The following SHISA9 variants were observed in gnomAD, a reference collection of about 807,000 sequenced individuals.
SHISA9 encodes the protein shisa family member 9, also known as protein shisa-9.
A neutral mutation model predicts 38.0 loss-of-function variants in SHISA9; 13 were observed. That is an observed-to-expected ratio of 0.34 (90% confidence interval 0.22 to 0.54). SHISA9 has a LOEUF of 0.54. Among genes scored for constraint, SHISA9 ranks in the 20% least tolerant of loss-of-function variants. The pLI is 0.91. For missense variants in SHISA9, 538 were observed against 575.8 expected (o/e 0.93, Z 0.67); for synonymous variants, 275 against 242.0 (o/e 1.14, Z -1.27).
chr16:13,428,576 T>C, the SHISA9 span, among the ~76,000 whole-genome samples: 2 of 152,162 alleles, frequency 1.3e-5, no homozygotes, highest in African/African-American at 2.4e-5. Flanking sequence ...TCTTTTCATT[T>C]CATGCCCAGA....
At chr16:13,541,654 A>C in the SHISA9 span, among the ~76,000 whole-genome samples, 1 of 152,216 alleles carries the variant, frequency 6.6e-6, no homozygotes, top group African/African-American at 2.4e-5. Context: ...TGTTTCTATG[A>C]ACACACTCAG....
intron 4 of SHISA9, among the ~76,000 whole-genome samples, chr16:13,231,962 G>A (rs1431601503): frequency 6.6e-6 from 1 of 152,210 alleles, no homozygotes; most frequent in Non-Finnish European, 1.5e-5. Context: ...TGTCAAGCGG[G>A]AGAAATAGTC....
chr16:12,911,196 C>A, intron 1 of SHISA9: 3 of 956,974 alleles, frequency 3.1e-6, no homozygotes, highest in Non-Finnish European at 3.7e-6. Context: ...CAGGCCCCAC[C>A]TCCTGCTTAT....
At chr16:13,177,222 C>T (rs2050738996) in intron 2 of SHISA9, among the ~76,000 whole-genome samples, 1 of 152,192 alleles carries the variant, frequency 6.6e-6, no homozygotes, top group Non-Finnish European at 1.5e-5. Context: ...CTTAATTGCT[C>T]TCTGATCTTT....
chr16:13,037,248 G>A (rs1470419663), intron 2 of SHISA9, among the ~76,000 whole-genome samples: 2 of 152,034 alleles, frequency 1.3e-5, no homozygotes, highest in South Asian at 2.1e-4. Context: ...GGCAGAATTG[G>A]TCGGCAGGCA....
intron 2 of SHISA9, among the ~76,000 whole-genome samples, chr16:12,965,988 G>C (rs1030950064): frequency 2.0e-5 from 3 of 152,196 alleles, no homozygotes; most frequent in Admixed American, 2.0e-4. Flanking sequence ...CCTGACCTTG[G>C]CTGTAGCATC....
the SHISA9 span, among the ~76,000 whole-genome samples, chr16:13,489,810 A>G: frequency 6.6e-6 from 1 of 152,224 alleles, no homozygotes. Context: ...TATCTTCATT[A>G]CATAAATGGG....
chr16:12,902,703 A>G (rs1237777858), intron 1 of SHISA9, 76 bp downstream of exon 1: 9 of 1,372,864 alleles, frequency 6.6e-6, no homozygotes, highest in African/African-American at 1.5e-5. Context: ...CCCCCAGGCA[A>G]TGGCGCTCCC....
intron 2 of SHISA9, among the ~76,000 whole-genome samples, chr16:13,117,133 G>A (rs545680414): frequency 6.6e-5 from 10 of 152,080 alleles, no homozygotes; most frequent in East Asian, 1.9e-4. Context: ...CCACCACCAC[G>A]CCCGGCTAAT....
the SHISA9 span, among the ~76,000 whole-genome samples, chr16:13,501,053 T>C: frequency 6.6e-6 from 1 of 152,012 alleles, no homozygotes; most frequent in Non-Finnish European, 1.5e-5. Context: ...CAGTAGAGAG[T>C]GCTCAACAAG....
At chr16:13,488,202 A>G in the SHISA9 span, among the ~76,000 whole-genome samples, 9 of 151,854 alleles carry the variant, frequency 5.9e-5, no homozygotes, top group African/African-American at 1.9e-4. Flanking sequence ...TCTTCCCCCC[A>G]GATTAAATAT....
the SHISA9 span, among the ~76,000 whole-genome samples, chr16:13,329,559 C>G: frequency 0.14 from 21,475 of 152,090 alleles, 2,517 homozygotes; most frequent in African/African-American, 0.32. Context: ...TCTGCTATGT[C>G]ACTCTCTTTA....
chr16:13,417,915 T>C, the SHISA9 span, among the ~76,000 whole-genome samples: 1 of 152,184 alleles, frequency 6.6e-6, no homozygotes, highest in African/African-American at 2.4e-5. Context: ...GGTGGAACTT[T>C]TTGAAATCTC....
intron 2 of SHISA9, among the ~76,000 whole-genome samples, chr16:12,981,359 G>A (rs2072237665): frequency 6.6e-6 from 1 of 152,226 alleles, no homozygotes; most frequent in Non-Finnish European, 1.5e-5. Flanking sequence ...TTTGCCCCAG[G>A]GCAATGGCAG....
chr16:13,150,100 C>G (rs1162618540), intron 2 of SHISA9, among the ~76,000 whole-genome samples: 1 of 149,322 alleles, frequency 6.7e-6, no homozygotes, highest in African/African-American at 2.5e-5. Context: ...TCAACCCTGG[C>G]CAAGATTGAC....
chr16:13,455,056 T>G, the SHISA9 span, among the ~76,000 whole-genome samples: 1 of 152,190 alleles, frequency 6.6e-6, no homozygotes, highest in East Asian at 1.9e-4. Context: ...CTAATTCTAC[T>G]ATTTTAGTTT....
chr16:13,245,582 C>T, the SHISA9 span, among the ~76,000 whole-genome samples: 1 of 152,112 alleles, frequency 6.6e-6, no homozygotes, highest in African/African-American at 2.4e-5. Flanking sequence ...CCTATAACCT[C>T]ACAAAATTGT....
At chr16:12,907,194 GTCCCTCCC>G (rs1162796024) in intron 1 of SHISA9, among the ~76,000 whole-genome samples, 1 of 81,204 alleles carries the variant, frequency 1.2e-5, no homozygotes, top group African/African-American at 4.9e-5. Context: ...CCCTCCCTCC[GTCCCTCCC>G]TCCCTCCCTT....
the SHISA9 span, among the ~76,000 whole-genome samples, chr16:13,403,180 A>G: frequency 6.6e-6 from 1 of 152,056 alleles, no homozygotes; most frequent in Non-Finnish European, 1.5e-5. Context: ...ACCATAAATG[A>G]CTGAGAAGAC....
Sources: gnomAD v4.1 joint callset for allele counts (sites outside exome capture counted in the v4.1 genomes callset) on GRCh38, gnomAD v4.1.1 for gene constraint, MANE v1.5 for transcripts, NCBI Gene and HGNC (gene_info 2026-07-23, HGNC 2026-07-21) for gene names.